Variants in CAMKMT observed in about 807,000 individuals in gnomAD.
CAMKMT encodes the protein calmodulin-lysine N-methyltransferase.
A neutral mutation model predicts 48.0 loss-of-function variants in CAMKMT; 53 were observed. That is an observed-to-expected ratio of 1.10 (90% confidence interval 0.89 to 1.39). The LOEUF (loss-of-function observed/expected upper bound fraction) is 1.39. Among genes scored for constraint, CAMKMT ranks in the 40% most tolerant of loss-of-function variants. CAMKMT has a pLI of 0.00. For missense variants in CAMKMT, 428 were observed against 402.7 expected (o/e 1.06, Z -0.54); for synonymous variants, 165 against 152.3 (o/e 1.08, Z -0.61).
intron 3 of CAMKMT, among the ~76,000 whole-genome samples, chr2:44,465,661 C>G (rs145632350): frequency 4.7e-4 from 71 of 152,022 alleles, no homozygotes; most frequent in African/African-American, 1.6e-3. Context: ...ATAGTAAGTT[C>G]CATGGGAACG....
At chr2:44,499,643 C>G (rs972422603) in intron 3 of CAMKMT, among the ~76,000 whole-genome samples, 2 of 152,212 alleles carry the variant, frequency 1.3e-5, no homozygotes, top group African/African-American at 4.8e-5. Flanking sequence ...TGTCCTGTGA[C>G]AAGCCTGGTG....
chr2:44,566,679 T>A (rs1482436292), intron 3 of CAMKMT, among the ~76,000 whole-genome samples: 1 of 152,106 alleles, frequency 6.6e-6, no homozygotes, highest in Admixed American at 6.6e-5. Context: ...GTTAAGAAGT[T>A]GTGGCAGAAT....
At chr2:44,632,491 A>G (rs1672891901) in intron 3 of CAMKMT, among the ~76,000 whole-genome samples, 2 of 152,228 alleles carry the variant, frequency 1.3e-5, no homozygotes, top group African/African-American at 4.8e-5. Flanking sequence ...GACAACAGTG[A>G]AACAGATTAA....
intron 3 of CAMKMT, among the ~76,000 whole-genome samples, chr2:44,510,672 A>G (rs1053607781): frequency 3.3e-5 from 5 of 152,232 alleles, no homozygotes; most frequent in African/African-American, 7.2e-5. Context: ...CTTCATTTCA[A>G]TAGTTTTCGG....
At chr2:44,628,502 T>G (rs1422200463) in intron 3 of CAMKMT, among the ~76,000 whole-genome samples, 1 of 151,984 alleles carries the variant, frequency 6.6e-6, no homozygotes, top group African/African-American at 2.4e-5. Flanking sequence ...TTTTCTAGCT[T>G]CTGAAAGTGA....
chr2:44,763,745 C>T (rs1233974290), intron 9 of CAMKMT, among the ~76,000 whole-genome samples: 2 of 152,156 alleles, frequency 1.3e-5, no homozygotes, highest in Admixed American at 1.3e-4. Context: ...GCAGAGAGTG[C>T]TGTCACATGC....
At chr2:44,380,156 G>A (rs1212146910) in intron 2 of CAMKMT, among the ~76,000 whole-genome samples, 2 of 151,704 alleles carry the variant, frequency 1.3e-5, no homozygotes, top group Non-Finnish European at 2.9e-5. Context: ...CCAATGACTC[G>A]TTCCTCAGTC....
chr2:44,378,045 G>GC (rs1220883208), intron 2 of CAMKMT, among the ~76,000 whole-genome samples: 1 of 152,112 alleles, frequency 6.6e-6, no homozygotes, highest in African/African-American at 2.4e-5. Flanking sequence ...TACGAATACT[G>GC]CATCTATATT....
chr2:44,686,669 T>C (rs1418175968), intron 3 of CAMKMT, among the ~76,000 whole-genome samples: 2 of 152,216 alleles, frequency 1.3e-5, no homozygotes, highest in African/African-American at 4.8e-5. Context: ...CCCTCAGTGC[T>C]ACATTTATGG....
Position 44,715,287 on chromosome 2 carries a change from A to G in CAMKMT, c.557A>G (p.Asn186Ser). The change falls in exon 7 of 11, where the codon AAT becomes AGT. Residue 186 changes from asparagine to serine, a missense_variant and splice_region_variant. Asn to Ser is a conservative substitution (Grantham distance 46). Coordinates refer to ENST00000378494, the MANE Select transcript of CAMKMT (RefSeq NM_024766.5). Reference protein sequence around the residue: ...LTDGNEKAIRNVQDIITRNQK... With the variant: ...LTDGNEKAIRSVQDIITRNQK... ...ATGTTTTCTTAACTGTGTCCTGTAG[A>G]TGTGCAAGACATCATCACAAGGAAT... The G allele has an allele frequency of 6.2e-7, 1 of 1,611,080 alleles. No individual in the cohort carries two copies. The highest frequency in any genetic ancestry group is 2.2e-5 in the East Asian group (1 of 44,756).
chr2:44,511,312 G>A (rs1277467084), intron 3 of CAMKMT, among the ~76,000 whole-genome samples: 3 of 152,088 alleles, frequency 2.0e-5, no homozygotes, highest in East Asian at 3.8e-4. Context: ...TTTTTAAGAC[G>A]GAGTCTTGCT....
intron 3 of CAMKMT, among the ~76,000 whole-genome samples, chr2:44,666,724 C>T (rs1167046233): frequency 1.3e-5 from 2 of 151,964 alleles, no homozygotes; most frequent in African/African-American, 2.4e-5. Context: ...GATTCTCCTG[C>T]CTCAGCCTCC....
chr2:44,530,379 A>G (rs781352420), intron 3 of CAMKMT, among the ~76,000 whole-genome samples: 6 of 152,210 alleles, frequency 3.9e-5, no homozygotes, highest in Admixed American at 3.3e-4. Context: ...TAAATTGTTG[A>G]CAAATGTGTT....
chr2:44,489,131 A>C (rs1267006146), intron 3 of CAMKMT, among the ~76,000 whole-genome samples: 1 of 151,952 alleles, frequency 6.6e-6, no homozygotes, highest in Non-Finnish European at 1.5e-5. Flanking sequence ...CAGCCTCCCA[A>C]AGTTCTGGGA....
intron 2 of CAMKMT, among the ~76,000 whole-genome samples, chr2:44,387,183 A>C (rs1680856328): frequency 6.6e-6 from 1 of 151,984 alleles, no homozygotes; most frequent in East Asian, 1.9e-4. Context: ...TTGTTTTATA[A>C]ATTTGGGAGC....
chr2:44,763,505 G>A (rs1165940809), intron 9 of CAMKMT, among the ~76,000 whole-genome samples: 7 of 152,180 alleles, frequency 4.6e-5, no homozygotes, highest in Non-Finnish European at 4.4e-5. Flanking sequence ...CTGAGAAAAC[G>A]TAGTGAATAA....
chr2:44,436,515 T>C (rs1042247402), intron 3 of CAMKMT, among the ~76,000 whole-genome samples: 2 of 152,096 alleles, frequency 1.3e-5, no homozygotes, highest in Non-Finnish European at 2.9e-5. Flanking sequence ...GGTCAGATAG[T>C]AAATATTTTA....
chr2:44,646,667 T>C (rs993856946), intron 3 of CAMKMT, among the ~76,000 whole-genome samples: 2 of 152,172 alleles, frequency 1.3e-5, no homozygotes, highest in Non-Finnish European at 2.9e-5. Flanking sequence ...CTACCCTTTT[T>C]CCCCAAAACC....
At chr2:44,763,406 A>G (rs1680697931) in intron 9 of CAMKMT, among the ~76,000 whole-genome samples, 1 of 152,254 alleles carries the variant, frequency 6.6e-6, no homozygotes, top group South Asian at 2.1e-4. Flanking sequence ...TTGAATTCCC[A>G]AAGACTCAAA....
Sources: allele counts gnomAD v4.1 joint callset (sites outside exome capture counted in the v4.1 genomes callset), GRCh38; gene constraint gnomAD v4.1.1; transcripts MANE v1.5; gene names NCBI Gene and HGNC (gene_info 2026-07-23, HGNC 2026-07-21).